Variants in GPC5 observed in about 807,000 individuals in gnomAD.
GPC5 encodes the protein glypican 5.
A neutral mutation model predicts 53.9 loss-of-function variants in GPC5; 47 were observed. The observed-to-expected ratio is 0.87, with a 90% CI of 0.69 to 1.11. The LOEUF (loss-of-function observed/expected upper bound fraction) is 1.11, where lower values mean the gene tolerates loss of function less well. GPC5 is among the 50% of genes most tolerant of loss of function. The probability of loss-of-function intolerance (pLI) is 0.00; values close to 1 mark genes in which losing one functional copy is unlikely to be tolerated. For missense variants in GPC5, 748 were observed against 713.1 expected, an observed-to-expected ratio of 1.05 and a Z score of -0.56; for synonymous variants, 286 against 263.3, an observed-to-expected ratio of 1.09 and a Z score of -0.84.
chr13:92,538,118 G>A (rs1447131286), intron 7 of GPC5, among the ~76,000 whole-genome samples: 1 of 152,074 alleles, frequency 6.6e-6, no homozygotes, highest in Non-Finnish European at 1.5e-5. Context: ...AGTTTCATTA[G>A]ACCAGGCTAA....
intron 7 of GPC5, among the ~76,000 whole-genome samples, chr13:92,527,143 A>G (rs1881327982): frequency 7.8e-6 from 1 of 128,232 alleles, no homozygotes; most frequent in Non-Finnish European, 1.7e-5. Context: ...AAAGAAAGAA[A>G]GAAAGAAAGA....
intron 4 of GPC5, among the ~76,000 whole-genome samples, chr13:91,741,323 A>C (rs986508601): frequency 5.9e-5 from 9 of 152,160 alleles, no homozygotes; most frequent in Non-Finnish European, 8.8e-5. Context: ...GAATTTTATC[A>C]CTTGGAACAT....
intron 7 of GPC5, among the ~76,000 whole-genome samples, chr13:92,648,424 T>G (rs1255703209): frequency 2.1e-5 from 2 of 95,146 alleles, no homozygotes; most frequent in East Asian, 4.0e-4. Context: ...ATATTCAATA[T>G]TAGGCATATT....
At chr13:91,965,754 C>T (rs1227346507) in intron 6 of GPC5, among the ~76,000 whole-genome samples, 1 of 152,104 alleles carries the variant, frequency 6.6e-6, no homozygotes, top group Non-Finnish European at 1.5e-5. Flanking sequence ...TATGGAGTTC[C>T]ATTCAGTACA....
At chr13:92,765,035 C>T in intron 7 of GPC5, among the ~76,000 whole-genome samples, 1 of 152,038 alleles carries the variant, frequency 6.6e-6, no homozygotes, top group East Asian at 1.9e-4. Context: ...TTTTAAAGGC[C>T]TTTTTTCCAT....
chr13:92,096,272 T>C (rs1276841499), intron 6 of GPC5, among the ~76,000 whole-genome samples: 4 of 152,256 alleles, frequency 2.6e-5, no homozygotes, highest in Non-Finnish European at 4.4e-5. Flanking sequence ...TTCCTATAAC[T>C]ATCTCTGCCA....
intron 5 of GPC5, 78 bp downstream of exon 5, chr13:91,756,498 C>A: frequency 8.0e-7 from 1 of 1,252,842 alleles, no homozygotes; most frequent in Non-Finnish European, 1.1e-6. Context: ...GGGATTAATT[C>A]AGTCTTAACT....
intron 2 of GPC5, among the ~76,000 whole-genome samples, chr13:91,519,566 C>T (rs116759569): frequency 0.017 from 2,565 of 152,288 alleles, 71 homozygotes; most frequent in African/African-American, 0.058. Flanking sequence ...GTGTCTACTT[C>T]CCCTTTGCTT....
intron 7 of GPC5, among the ~76,000 whole-genome samples, chr13:92,275,890 C>T (rs1031909621): frequency 3.3e-5 from 5 of 152,086 alleles, no homozygotes; most frequent in Admixed American, 6.6e-5. Context: ...TTGACATTTG[C>T]AATTCTTTGT....
chr13:91,763,297 T>C (rs1036962968), intron 5 of GPC5, among the ~76,000 whole-genome samples: 2 of 152,128 alleles, frequency 1.3e-5, no homozygotes, highest in Admixed American at 6.6e-5. Flanking sequence ...TTTAAGACCA[T>C]GTACATCTCA....
intron 2 of GPC5, among the ~76,000 whole-genome samples, chr13:91,478,495 C>T (rs1410139357): frequency 6.6e-6 from 1 of 151,682 alleles, no homozygotes; most frequent in African/African-American, 2.4e-5. Flanking sequence ...GTAGTTTTAG[C>T]ATCCAAAATT....
chr13:92,754,218 C>A (rs1874736603), intron 7 of GPC5, among the ~76,000 whole-genome samples: 1 of 152,232 alleles, frequency 6.6e-6, no homozygotes, highest in Admixed American at 6.5e-5. Flanking sequence ...AATTTCATAT[C>A]CAGCCAAACT....
At chr13:91,801,448 C>A (rs553434668) in intron 5 of GPC5, among the ~76,000 whole-genome samples, 1 of 152,236 alleles carries the variant, frequency 6.6e-6, no homozygotes, top group Non-Finnish European at 1.5e-5. Flanking sequence ...TGGCACAGTT[C>A]TTCCTTGTGT....
rs190384218 is a variant in GPC5, at chr13:92,363,485, A to T, written c.1561+218496A>T. The stretch of plus-strand genomic sequence containing the variant: ...TTCTCATAAGGAGTACACAACCTAG[A>T]TCCCTCGCATGTACAGTTCACAATA... On this transcript the variant is annotated intron_variant, in intron 7 of 7. Coordinates refer to ENST00000377067, the MANE Select transcript of GPC5 (RefSeq NM_004466.6). Among the ~76,000 whole-genome samples, 13 of 151,790 alleles carry T rather than the reference A, an allele frequency of 8.6e-5. 1 individual carries two copies. The East Asian group carries it at 2.5e-3, about 29-fold the overall frequency.
At chr13:91,650,755 T>TTTTTTTTTTTTTTTTG (rs2034686451) in intron 2 of GPC5, among the ~76,000 whole-genome samples, 1 of 140,754 alleles carries the variant, frequency 7.1e-6, no homozygotes, top group African/African-American at 3.0e-5. Flanking sequence ...CATAAGTTTT[T>TTTTTTTTTTTTTTTTG]TTTTTTTTTT....
intron 5 of GPC5, among the ~76,000 whole-genome samples, chr13:91,788,076 T>C (rs1008598289): frequency 6.6e-6 from 1 of 152,228 alleles, no homozygotes; most frequent in African/African-American, 2.4e-5. Context: ...ACTTGAGACT[T>C]CTTGGCCTGC....
intron 2 of GPC5, among the ~76,000 whole-genome samples, chr13:91,571,060 G>C (rs2031758064): frequency 6.6e-6 from 1 of 151,932 alleles, no homozygotes; most frequent in Non-Finnish European, 1.5e-5. Flanking sequence ...CAAAATTCTT[G>C]TTGTATTTGG....
chr13:92,554,521 T>C (rs1882428815), intron 7 of GPC5, among the ~76,000 whole-genome samples: 1 of 151,400 alleles, frequency 6.6e-6, no homozygotes, highest in African/African-American at 2.4e-5. Context: ...AATAATCCAA[T>C]ATAATTAAAT....
At chr13:91,906,850 G>T (rs925581504) in intron 5 of GPC5, among the ~76,000 whole-genome samples, 2 of 151,844 alleles carry the variant, frequency 1.3e-5, no homozygotes, top group African/African-American at 2.4e-5. Context: ...CTTTGTTTAG[G>T]TGAACCTAGG....
Sources: gnomAD v4.1 joint callset for allele counts (sites outside exome capture counted in the v4.1 genomes callset) on GRCh38, gnomAD v4.1.1 for gene constraint, MANE v1.5 for transcripts, NCBI Gene and HGNC (gene_info 2026-07-23, HGNC 2026-07-21) for gene names.